Variants in SLC11A2 observed in about 807,000 individuals in gnomAD.
The protein encoded by SLC11A2 is natural resistance-associated macrophage protein 2.
SLC11A2 carries 38 observed loss-of-function variants against 68.0 expected under a neutral mutation model. The ratio of observed to expected loss-of-function variants is 0.56; its 90% CI spans 0.43 to 0.73. The LOEUF (loss-of-function observed/expected upper bound fraction) is 0.73. SLC11A2 is among the 30% of genes least tolerant of loss of function. The pLI, the probability that SLC11A2 is intolerant of heterozygous loss-of-function variation, is 0.00. For missense variants in SLC11A2, 517 were observed against 690.5 expected (o/e 0.75, Z 2.82); for synonymous variants, 242 against 250.6 (o/e 0.97, Z 0.32).
At chr12:50,995,820 C>T in intron 9 of SLC11A2, 33 bp from the exon 10 acceptor site, 1 of 1,607,256 alleles carries the variant, frequency 6.2e-7, no homozygotes, top group South Asian at 1.1e-5. Context: ...CACTTTTTGA[C>T]CAGTTAGAAC....
At position 50,995,832 on chromosome 12, in the gene SLC11A2, A is replaced by C. The variant is rs17222442; in HGVS notation, c.832-45T>G. On this transcript the variant is annotated intron_variant, in intron 9 of 15. Transcript: ENST00000262052. ...AGTCACTTTTTGACCAGTTAGAACA[A>C]GTTTCCTTGTGACATTTCAGGAGTT... 3.6e-4 allele frequency: 580 copies of C among 1,594,824 alleles called. 2 individuals are homozygous for C. The African/African-American group carries it at 7.1e-3, about 20-fold the overall frequency.
chr12:50,968,690 C>T, the SLC11A2 span, among the ~76,000 whole-genome samples: 2 of 151,914 alleles, frequency 1.3e-5, no homozygotes, highest in African/African-American at 2.4e-5. Flanking sequence ...TACAGGCACC[C>T]GTCACCACAC....
In SLC11A2 at chr12:51,017,434, G is replaced by A. The variant is rs116459558; in HGVS notation, c.-38-6668C>T. Among the ~76,000 whole-genome samples, 197 of 152,144 alleles carry A rather than the reference G, an allele frequency of 1.3e-3. 1 individual carries two copies. Among genetic ancestry groups the A allele is most frequent in the African/African-American group, 4.6e-3 (189 of 41,508 alleles). On this transcript the variant is annotated intron_variant, in intron 1 of 15. Coordinates refer to ENST00000262052, the MANE Select transcript of SLC11A2 (RefSeq NM_000617.3). ...AAAAGAAAAAAGAGAAAACACACACGTACACGTACAATCTCCAAAGGACAC... is the reference window on the plus strand; with the variant it reads ...AAAAGAAAAAAGAGAAAACACACACATACACGTACAATCTCCAAAGGACAC...
the SLC11A2 span, among the ~76,000 whole-genome samples, chr12:50,968,161 A>C: frequency 3.3e-5 from 5 of 152,068 alleles, no homozygotes; most frequent in African/African-American, 1.2e-4. Context: ...GATTTATTAC[A>C]GAGATATGAC....
chr12:50,963,128 G>A, the SLC11A2 span, among the ~76,000 whole-genome samples: 1 of 151,976 alleles, frequency 6.6e-6, no homozygotes, highest in African/African-American at 2.4e-5. Flanking sequence ...CCAGCACTTT[G>A]GGAGGCCGAG....
At chr12:50,989,604 T>C (rs986365583) in intron 15 of SLC11A2, among the ~76,000 whole-genome samples, 2 of 152,238 alleles carry the variant, frequency 1.3e-5, no homozygotes, top group Non-Finnish European at 2.9e-5. Context: ...CTAACTTCTA[T>C]AGTGAATTTT....
At chr12:50,995,036 C>G (rs925016011) in intron 10 of SLC11A2, 5 of 277,170 alleles carry the variant, frequency 1.8e-5, no homozygotes, top group African/African-American at 1.1e-4. Context: ...GCAGGCCAGG[C>G]ACAGGAGCTC....
downstream of SLC11A2, chr12:50,980,089 G>A (rs1939936599): frequency 5.2e-6 from 2 of 382,066 alleles, no homozygotes; most frequent in Non-Finnish European, 5.2e-6. Context: ...AGCTGGGTGT[G>A]GTGGTGTGTG....
chr12:51,010,795 A>C (rs772536300), intron 1 of SLC11A2, 29 bp from the exon 2 acceptor site: 3 of 1,320,686 alleles, frequency 2.3e-6, no homozygotes, highest in Admixed American at 3.5e-5. Flanking sequence ...AGGGAGAAGA[A>C]TTAGGAAGAA....
rs1942427348 is a variant in SLC11A2 at position 51,003,234 on chromosome 12, C to T, written c.429+1554G>A. Among the ~76,000 whole-genome samples, 3 of 151,468 alleles carry T rather than the reference C, an allele frequency of 2.0e-5. No homozygotes were observed. In the South Asian group the frequency reaches 6.2e-4, roughly 31 times the overall value. The stretch of plus-strand genomic sequence containing the variant: ...TGGGTGAAAGAGTGAAACTCCGTCT[C>T]AAACAAACAAACAAAAAAGCAGGCT... On this transcript the variant is annotated intron_variant, in intron 5 of 15. Coordinates refer to ENST00000262052, the MANE Select transcript of SLC11A2 (RefSeq NM_000617.3).
the SLC11A2 span, among the ~76,000 whole-genome samples, chr12:50,968,673 C>A: frequency 6.6e-6 from 1 of 152,052 alleles, no homozygotes; most frequent in Non-Finnish European, 1.5e-5. Flanking sequence ...TCCTGAGTAG[C>A]TGGGATTACA....
chr12:50,974,465 GCC>G (rs1323992604), downstream of SLC11A2, among the ~76,000 whole-genome samples: 2 of 152,172 alleles, frequency 1.3e-5, no homozygotes, highest in African/African-American at 4.8e-5. Context: ...CACCAGGCCT[GCC>G]CTACAAGAAC....
chr12:50,993,736 G>A (rs1034621594), intron 11 of SLC11A2, among the ~76,000 whole-genome samples: 1 of 151,870 alleles, frequency 6.6e-6, no homozygotes, highest in East Asian at 1.9e-4. Flanking sequence ...GCTGAGGCAG[G>A]AGAAGCACTT....
At chr12:50,956,217 C>A in the SLC11A2 span, among the ~76,000 whole-genome samples, 1 of 152,196 alleles carries the variant, frequency 6.6e-6, no homozygotes, top group South Asian at 2.1e-4. Context: ...TGTGGTGAAA[C>A]CCTGTCTCTA....
chr12:50,968,092 T>TAAG, the SLC11A2 span, among the ~76,000 whole-genome samples: 1 of 146,288 alleles, frequency 6.8e-6, no homozygotes, highest in Admixed American at 6.8e-5. Context: ...TCTCAAATAA[T>TAAG]AAGAAGAAGA....
intron 1 of SLC11A2, among the ~76,000 whole-genome samples, chr12:51,021,641 A>G (rs1307435899): frequency 9.4e-5 from 14 of 148,838 alleles, no homozygotes. Flanking sequence ...AAAAAAAAAG[A>G]CAACCACAAC....
downstream of SLC11A2, among the ~76,000 whole-genome samples, chr12:50,985,568 T>C (rs1428473046): frequency 2.0e-5 from 3 of 152,232 alleles, no homozygotes; most frequent in East Asian, 1.9e-4. Flanking sequence ...AAATGCTCCT[T>C]GGTCTTTAAG....
At chr12:50,971,274 T>A in the SLC11A2 span, among the ~76,000 whole-genome samples, 1 of 152,230 alleles carries the variant, frequency 6.6e-6, no homozygotes, top group African/African-American at 2.4e-5. Flanking sequence ...TAAACTCCTT[T>A]TTAGAATGGG....
At chr12:50,965,851 C>T in the SLC11A2 span, among the ~76,000 whole-genome samples, 3 of 152,148 alleles carry the variant, frequency 2.0e-5, no homozygotes, top group Non-Finnish European at 4.4e-5. Flanking sequence ...ATGGTCTTTC[C>T]TTAAGGGGAT....
Sources: allele counts gnomAD v4.1 joint callset (sites outside exome capture counted in the v4.1 genomes callset), GRCh38; gene constraint gnomAD v4.1.1; transcripts MANE v1.5; gene names NCBI Gene and HGNC (gene_info 2026-07-23, HGNC 2026-07-21).